ZNF738: variants seen among roughly 807,000 people sequenced by gnomAD.
ZNF738 encodes protein ZNF738.
In ZNF738, 10 loss-of-function variants were observed where a neutral mutation model predicts 9.2. The observed-to-expected ratio is 1.09, with a 90% CI of 0.67 to 1.85. The LOEUF (loss-of-function observed/expected upper bound fraction) is 1.85, where lower values mean the gene tolerates loss of function less well. Among genes scored for constraint, ZNF738 ranks in the 40% most tolerant of loss-of-function variants. The pLI is 0.00. For synonymous variants in ZNF738, 113 were observed against 94.5 expected, an observed-to-expected ratio of 1.20 and a Z score of -1.14; for missense variants, 346 against 283.6, an observed-to-expected ratio of 1.22 and a Z score of -1.58.
chr19:21,366,160 A>G (rs2127404), intron 2 of ZNF738, among the ~76,000 whole-genome samples: 85,918 of 151,918 alleles, frequency 0.57, 24,589 homozygotes, highest in Middle Eastern at 0.69. Context: ...CATAGACACC[A>G]GCAAACAGTG....
chr19:21,359,006 G>A lies in ZNF738; in HGVS notation c.-135G>A. 1 of 745,812 alleles carries A rather than the reference G, an allele frequency of 1.3e-6. No homozygotes were observed. 46.2% of individuals were successfully genotyped at this position (745,812 alleles called of 1,614,324 possible). ...GGGATTTGTCCGCTTCTTTGTCTTT[G>A]GCTGCCGCTGGAACTCCGGGTCTCG... On this transcript the variant is annotated 5_prime_UTR_variant, in exon 1 of 5. Coordinates refer to ENST00000683779, the MANE Select transcript of ZNF738 (RefSeq NM_001355237.2).
rs1974076287 is a variant in ZNF738, at chr19:21,387,066, A to G, written c.*3392A>G. ...ATACTGGAAAGAAACTCCACAAACCAGAAAGATGCAATAATGCTTTTGACA... is the reference window on the plus strand; with the variant it reads ...ATACTGGAAAGAAACTCCACAAACCGGAAAGATGCAATAATGCTTTTGACA... On this transcript the variant is annotated 3_prime_UTR_variant, in exon 5 of 5. Transcript: ENST00000683779. 6.5e-6 allele frequency: 1 copy of G among 153,112 alleles called. No individual in the cohort carries two copies. Among genetic ancestry groups the G allele is most frequent in the African/African-American group, 2.4e-5 (1 of 41,438 alleles). The allele number at this position is 153,112 out of a possible 1,614,324, so 9.5% of individuals were successfully genotyped here.
At chr19:21,381,501 C>T in intron 4 of ZNF738, 1 of 994,596 alleles carries the variant, frequency 1.0e-6, no homozygotes, top group Non-Finnish European at 1.6e-6. Flanking sequence ...TTTTCTTTTT[C>T]TTTTTTTTTC....
rs1973678134 is a variant in ZNF738, at chr19:21,360,831, CTTTTCTTTTTT to C, written c.4-930_4-920del. Among the ~76,000 whole-genome samples the C allele has an allele frequency of 2.9e-5, 2 of 68,158 alleles. 1 individual carries two copies. The highest frequency in any genetic ancestry group is 1.0e-3 in the South Asian group (2 of 1,914). 44.7% of individuals were successfully genotyped at this position (68,158 alleles called of 152,430 possible). ...GCAAGGCATTAAATGGTGCTTTTTT[CTTTTCTTTTTT>C]TTTTGAGACGGAGTTTCACTCTTGT... On this transcript the variant is annotated intron_variant, in intron 1 of 4. Transcript: ENST00000683779.
rs1352701519 is a variant in ZNF738 at position 21,381,136 on chromosome 19, C to T, written c.320-1730C>T. 2.9e-5 allele frequency: 24 copies of T among 825,744 alleles called. No individual in the cohort carries two copies. In the South Asian group the frequency reaches 3.6e-4, roughly 12 times the overall value. The allele number at this position is 825,744 out of a possible 1,614,324, so 51.2% of individuals were successfully genotyped here. On this transcript the variant is annotated intron_variant, in intron 4 of 4. Coordinates refer to ENST00000683779, the MANE Select transcript of ZNF738 (RefSeq NM_001355237.2). Reference sequence around the variant, plus strand: ...TTACAAGGCAGCAGCACATTAAGCACGTGAGAGTCACATGATTTCTGCAGT... The same window carrying T: ...TTACAAGGCAGCAGCACATTAAGCATGTGAGAGTCACATGATTTCTGCAGT...
At position 21,383,411 on chromosome 19, in the gene ZNF738, A is replaced by G; in HGVS notation, c.865A>G (p.Lys289Glu). 1.7e-6 allele frequency: 1 copy of G among 572,974 alleles called. No individual in the cohort carries two copies. The highest frequency in any genetic ancestry group is 3.0e-6 in the Non-Finnish European group (1 of 330,786). The allele number at this position is 572,974 out of a possible 1,614,324, so 35.5% of individuals were successfully genotyped here. Residue 289 changes from lysine (K) to glutamate (E), a missense_variant, in exon 5 of 5, where the codon AAA becomes GAA. Transcript: ENST00000683779. Reference protein sequence around the residue: ...KVIHAGEKHYKCEKCGKDFKQ... With the variant: ...KVIHAGEKHYECEKCGKDFKQ... ...AATTCATGCTGGAGAGAAACACTAC[A>G]AATGTGAAAAATGTGGCAAAGATTT...
chr19:21,359,229 C>G (rs970491219), intron 1 of ZNF738, 86 bp downstream of exon 1: 10 of 897,336 alleles, frequency 1.1e-5, no homozygotes, highest in Non-Finnish European at 1.7e-5. Context: ...CTCAGGCCTC[C>G]CCGCAGTCAG....
intron 4 of ZNF738, chr19:21,378,633 A>C (rs1002851009): frequency 3.8e-6 from 1 of 261,252 alleles, no homozygotes. Flanking sequence ...TTTGAGATGG[A>C]GTTTCACTGT....
In ZNF738 at chr19:21,383,329, A is replaced by G; in HGVS notation, c.783A>G (p.Lys261=). The G allele has an allele frequency of 7.1e-7, 1 of 1,400,664 alleles. No homozygotes were observed. The highest frequency in any genetic ancestry group is 1.2e-5 in the South Asian group (1 of 82,222). The allele number at this position is 1,400,664 out of a possible 1,614,324, so 86.8% of individuals were successfully genotyped here. A position where few individuals can be genotyped will look rare whatever the true frequency, so the allele number is the denominator to read the frequency against. The stretch of plus-strand genomic sequence containing the variant: ...TTCATACTGGAGACAAATCCTACAA[A>G]CATGAAGAATGTGGAAAAGGTTTTA... ...KRIHTGDKSY[K]HEECGKGFNH... The change falls in exon 5 of 5, where the codon AAA becomes AAG. Residue 261 remains lysine (K), a synonymous_variant. Transcript: ENST00000683779.
In ZNF738 at chr19:21,359,037, A is replaced by C. The variant is rs1242254011; in HGVS notation, c.-104A>C. ...CGCTGGAACTCCGGGTCTCGTCTTC[A>C]CTGCTCTGTGTCCTCTGCTCCTAGA... On this transcript the variant is annotated 5_prime_UTR_variant, in exon 1 of 5. Transcript: ENST00000683779. 1 of 807,502 alleles carries C rather than the reference A, an allele frequency of 1.2e-6. No homozygotes were observed. Among genetic ancestry groups the C allele is most frequent in the African/African-American group, 1.7e-5 (1 of 59,332 alleles). 50.0% of individuals were successfully genotyped at this position (807,502 alleles called of 1,614,324 possible).
In ZNF738 at chr19:21,383,018, A is replaced by C; in HGVS notation, c.472A>C (p.Lys158Gln). 1 of 790,074 alleles carries C rather than the reference A, an allele frequency of 1.3e-6. No individual in the cohort carries two copies. The highest frequency in any genetic ancestry group is 2.2e-6 in the Non-Finnish European group (1 of 447,328). 48.9% of individuals were successfully genotyped at this position (790,074 alleles called of 1,614,324 possible). ...CKSVNECNVQ[K>Q]EGYNELKEYL... is the part of the protein sequence containing the mutation. ...AAGTGTGAATGAGTGTAATGTGCAA[A>C]AAGAAGGTTATAATGAACTAAAAGA... is the stretch of plus-strand genomic sequence containing the variant. The change falls in exon 5 of 5, where the codon AAA (lysine) becomes CAA (glutamine). Residue 158 changes from lysine to glutamine, a missense_variant. By Grantham distance (53) the Lys-to-Gln change is moderately conservative. Coordinates refer to ENST00000683779, the MANE Select transcript of ZNF738 (RefSeq NM_001355237.2).
intron 2 of ZNF738, among the ~76,000 whole-genome samples, chr19:21,363,039 T>C (rs7248700): frequency 0.21 from 31,556 of 152,150 alleles, 3,413 homozygotes; most frequent in Non-Finnish European, 0.24. Context: ...CTGAGTTTTA[T>C]GCTAAATTTT....
intron 4 of ZNF738, among the ~76,000 whole-genome samples, chr19:21,380,000 A>C (rs182127639): frequency 6.6e-6 from 1 of 152,344 alleles, no homozygotes; most frequent in East Asian, 1.9e-4. Context: ...TAAGTAACAA[A>C]AGGAACACTT....
Position 21,375,266 on chromosome 19 carries a change from T to C in ZNF738, c.125T>C (p.Ile42Thr). The C allele has an allele frequency of 8.7e-7, 1 of 1,151,420 alleles. No individual in the cohort carries two copies. Among genetic ancestry groups the C allele is most frequent in the Non-Finnish European group, 1.3e-6 (1 of 759,790 alleles). 71.3% of individuals were successfully genotyped at this position (1,151,420 alleles called of 1,614,324 possible). Residue 42 changes from isoleucine (I) to threonine (T), a missense_variant, in exon 3 of 5, where the codon ATA (isoleucine) becomes ACA (threonine). Physicochemically the swap from Ile to Thr is moderately conservative, Grantham distance 89. Transcript: ENST00000683779. The stretch of plus-strand genomic sequence containing the variant: ...CCGTTGACATTTAGGGATGTGGTCA[T>C]AGAATTCTCTCAGGAGGAGTGGCAA... ...KGPLTFRDVV[I>T]EFSQEEWQCL...
At chr19:21,371,035 G>C (rs996902090) in intron 2 of ZNF738, among the ~76,000 whole-genome samples, 4 of 152,166 alleles carry the variant, frequency 2.6e-5, no homozygotes, top group African/African-American at 9.7e-5. Flanking sequence ...GGTGTAAATA[G>C]AATCTGATGA....
chr19:21,371,681 A>C (rs1973858668), intron 2 of ZNF738, among the ~76,000 whole-genome samples: 1 of 152,228 alleles, frequency 6.6e-6, no homozygotes, highest in Admixed American at 6.5e-5. Flanking sequence ...AGTGAATAGA[A>C]GTGTGCAAAA....
chr19:21,374,677 T>C (rs1025574945), intron 2 of ZNF738, among the ~76,000 whole-genome samples: 2 of 152,220 alleles, frequency 1.3e-5, no homozygotes, highest in African/African-American at 2.4e-5. Flanking sequence ...AAGACTCTTA[T>C]CTTTGTTTAC....
rs1974053393 is a variant in ZNF738 at position 21,385,238 on chromosome 19, C to T, written c.*1564C>T. ...TTGGGAGGCTGAGGCAGGCAGATCA[C>T]CTGGTCAAGAGTTCAAGACCAGCCT... On this transcript the variant is annotated 3_prime_UTR_variant, in exon 5 of 5. Coordinates refer to ENST00000683779, the MANE Select transcript of ZNF738 (RefSeq NM_001355237.2). 6.6e-6 allele frequency among the ~76,000 whole-genome samples: 1 copy of T among 152,164 alleles called. No homozygotes were observed. Among genetic ancestry groups the T allele is most frequent in the Non-Finnish European group, 1.5e-5 (1 of 68,050 alleles).
At position 21,385,972 on chromosome 19, in the gene ZNF738, C is replaced by T. The variant is rs1221784072; in HGVS notation, c.*2298C>T. On this transcript the variant is annotated 3_prime_UTR_variant, in exon 5 of 5. Transcript: ENST00000683779. ...ACAAAGCTTTTAACCACTTCTCAAC[C>T]CTGATGACACATAAGGTAATTCGTG... Among the ~76,000 whole-genome samples, 1 of 152,088 alleles carries T rather than the reference C, an allele frequency of 6.6e-6. No homozygotes were observed. The highest frequency in any genetic ancestry group is 1.5e-5 in the Non-Finnish European group (1 of 68,022).
Sources: gnomAD v4.1 joint callset for allele counts (sites outside exome capture counted in the v4.1 genomes callset) on GRCh38, gnomAD v4.1.1 for gene constraint, MANE v1.5 for transcripts, NCBI Gene and HGNC (gene_info 2026-07-23, HGNC 2026-07-21) for gene names.